The following U2SURP variants were observed in gnomAD, a reference collection of about 807,000 sequenced individuals.
U2SURP encodes the protein U2 snRNP associated SURP domain containing.
In U2SURP, 9 loss-of-function variants were observed where a neutral mutation model predicts 144.9. That is an observed-to-expected ratio of 0.06 (90% CI 0.04 to 0.11). U2SURP has a LOEUF of 0.11. Ranked by LOEUF, U2SURP falls within the 10% of genes least tolerant of loss-of-function variation. The pLI is 1.00. For synonymous variants in U2SURP, 408 were observed against 396.8 expected (o/e 1.03, Z -0.33); for missense variants, 724 against 1,226.7 (o/e 0.59, Z 6.12).
chr3:143,048,091 T>C (rs1934639114), intron 24 of U2SURP, among the ~76,000 whole-genome samples: 2 of 152,236 alleles, frequency 1.3e-5, no homozygotes, highest in Admixed American at 1.3e-4. Context: ...CTTTCTGTCC[T>C]GGTCCCTGAG....
intron 4 of U2SURP, 102 bp downstream of exon 4, chr3:143,014,511 G>GATTAAT: frequency 1.4e-6 from 1 of 703,386 alleles, no homozygotes; most frequent in Non-Finnish European, 2.2e-6. Context: ...TTAACCTCTA[G>GATTAAT]GATATTCTCA....
chr3:143,001,609 A>T lies in U2SURP; in HGVS notation c.-20A>T. ...CTCGCCCGTGCTGCTGCCGCCGCCGAAGGAGGGGCAAAGCTCAAGATGGCG... is the reference window on the plus strand; with the variant it reads ...CTCGCCCGTGCTGCTGCCGCCGCCGTAGGAGGGGCAAAGCTCAAGATGGCG... On this transcript the variant is annotated 5_prime_UTR_variant, in exon 1 of 28. Coordinates refer to ENST00000473835, the MANE Select transcript of U2SURP (RefSeq NM_001080415.2). The T allele has an allele frequency of 6.2e-7, 1 of 1,613,636 alleles. No individual in the cohort carries two copies. The highest frequency in any genetic ancestry group is 8.5e-7 in the Non-Finnish European group (1 of 1,179,790).
At chr3:143,006,570 A>G (rs1252822025) in intron 1 of U2SURP, among the ~76,000 whole-genome samples, 1 of 152,090 alleles carries the variant, frequency 6.6e-6, no homozygotes, top group Non-Finnish European at 1.5e-5. Flanking sequence ...AGCCTGACCA[A>G]TATGGAGAAA....
rs1328286051 is a variant in U2SURP at position 143,022,995 on chromosome 3, T to C, written c.1161T>C (p.Pro387=). Residue 387 remains proline (P), a synonymous_variant, in exon 12 of 28, where the codon CCT becomes CCC. Coordinates refer to ENST00000473835, the MANE Select transcript of U2SURP (RefSeq NM_001080415.2). ...CCGGACTGCCTTTTAATGCGCAGCC[T>C]AGAGAGCGGTTAAAAAACCCTAATG... ...PPSGLPFNAQ[P]RERLKNPNAP... 6.2e-7 allele frequency: 1 copy of C among 1,611,780 alleles called. No homozygotes were observed. Among genetic ancestry groups the C allele is most frequent in the South Asian group, 1.1e-5 (1 of 90,560 alleles).
chr3:143,005,590 G>T (rs186914909), intron 1 of U2SURP, among the ~76,000 whole-genome samples: 1 of 152,132 alleles, frequency 6.6e-6, no homozygotes, highest in Non-Finnish European at 1.5e-5. Context: ...TAACTTTTTC[G>T]AAACTTGAAC....
chr3:143,021,194 A>C (rs575182633), intron 8 of U2SURP, among the ~76,000 whole-genome samples, 156 bp from the exon 9 acceptor site: 8 of 152,178 alleles, frequency 5.3e-5, no homozygotes, highest in African/African-American at 1.7e-4. Flanking sequence ...CTGTCTCAAA[A>C]AACAACAACA....
chr3:143,025,573 G>T (rs562810967), intron 13 of U2SURP, among the ~76,000 whole-genome samples: 2 of 151,926 alleles, frequency 1.3e-5, no homozygotes, highest in African/African-American at 4.8e-5. Context: ...TTACATTATC[G>T]CCCTTCCTTC....
At chr3:143,004,403 G>A (rs1347649622) in intron 1 of U2SURP, among the ~76,000 whole-genome samples, 1 of 117,148 alleles carries the variant, frequency 8.5e-6, no homozygotes, top group South Asian at 3.1e-4. Flanking sequence ...TTGCCTTGTC[G>A]CCCAGGCTGG....
chr3:143,012,289 A>C lies in U2SURP; in HGVS notation c.158A>C (p.His53Pro). Residue 53 changes from histidine (H) to proline (P), a missense_variant, in exon 3 of 28, where the codon CAT (histidine) becomes CCT (proline). Around this residue, in one of 13 missense-constraint regions of U2SURP, gnomAD observed 127 missense variants for 98.2 expected, o/e 1.29. Transcript: ENST00000473835. The stretch of plus-strand genomic sequence containing the variant: ...ACACGACCTAAGAGCCCAAGAAAAC[A>C]TAATTATAGGAATGAAAGTGCCCGT... The part of the protein sequence containing the change: ...SRTRPKSPRK[H>P]NYRNESARES... 1 of 1,613,518 alleles carries C rather than the reference A, an allele frequency of 6.2e-7. No individual in the cohort carries two copies. The highest frequency in any genetic ancestry group is 8.5e-7 in the Non-Finnish European group (1 of 1,179,554).
intron 18 of U2SURP, among the ~76,000 whole-genome samples, chr3:143,034,099 G>A (rs148192227): frequency 6.6e-6 from 1 of 152,132 alleles, no homozygotes; most frequent in Non-Finnish European, 1.5e-5. Context: ...TTACGTTGCT[G>A]TATTATAATT....
chr3:143,039,830 T>G (rs1192397339), intron 23 of U2SURP, among the ~76,000 whole-genome samples: 3 of 151,918 alleles, frequency 2.0e-5, no homozygotes, highest in Admixed American at 6.6e-5. Flanking sequence ...AAACACAGTT[T>G]GATACGATGG....
chr3:143,020,337 A>G (rs1341288281), intron 7 of U2SURP, among the ~76,000 whole-genome samples: 1 of 152,204 alleles, frequency 6.6e-6, no homozygotes, highest in African/African-American at 2.4e-5. Flanking sequence ...TAGACTTAGC[A>G]AGAAACAAAT....
chr3:143,051,745 A>G (rs1367405559), intron 25 of U2SURP, among the ~76,000 whole-genome samples: 1 of 152,154 alleles, frequency 6.6e-6, no homozygotes. Flanking sequence ...TGGTAAAGCA[A>G]CTGTGGTGCT....
At chr3:143,015,610 T>A (rs1578121263) in intron 4 of U2SURP, among the ~76,000 whole-genome samples, 1 of 152,132 alleles carries the variant, frequency 6.6e-6, no homozygotes, top group African/African-American at 2.4e-5. Flanking sequence ...CCTAGTATCA[T>A]TTATTGAAAA....
At position 143,037,166 on chromosome 3, in the gene U2SURP, C is replaced by T. The variant is rs772492215; in HGVS notation, c.2065-13C>T. ...AGCAAAGGAAAATGTTATAATAGTA[C>T]ACATTTCCATAGGATGTTCCAGATG... On this transcript the variant is annotated splice_polypyrimidine_tract_variant and intron_variant, in intron 20 of 27. Transcript: ENST00000473835. 6.2e-7 allele frequency: 1 copy of T among 1,606,938 alleles called. No homozygotes were observed. Among genetic ancestry groups the T allele is most frequent in the Non-Finnish European group, 8.5e-7 (1 of 1,176,404 alleles).
chr3:143,034,678 T>C (rs1471496365), intron 18 of U2SURP: 1 of 452,672 alleles, frequency 2.2e-6, no homozygotes, highest in Non-Finnish European at 4.0e-6. Context: ...GTAGGGACTG[T>C]TGGGGAGTTT....
intron 27 of U2SURP, 62 bp from the exon 28 acceptor site, chr3:143,056,250 G>T (rs929844026): frequency 2.6e-6 from 4 of 1,514,218 alleles, no homozygotes; most frequent in South Asian, 1.2e-5. Context: ...ATCGTTTAAG[G>T]ATAAACAGTT....
intron 16 of U2SURP, among the ~76,000 whole-genome samples, chr3:143,032,167 G>C (rs563626013): frequency 2.6e-5 from 4 of 152,132 alleles, no homozygotes; most frequent in African/African-American, 9.6e-5. Flanking sequence ...CTGCCTCCCA[G>C]GTTCAAGCAA....
At chr3:143,029,958 A>T (rs923159778) in intron 16 of U2SURP, among the ~76,000 whole-genome samples, 1 of 152,208 alleles carries the variant, frequency 6.6e-6, no homozygotes, top group Non-Finnish European at 1.5e-5. Context: ...ACTCTCTTCA[A>T]TTCTGTGGAA....
Sources: gnomAD v4.1 joint callset for allele counts (sites outside exome capture counted in the v4.1 genomes callset) on GRCh38, gnomAD v4.1.1 for gene constraint, gnomAD v4.1.1 regional missense constraint, MANE v1.5 for transcripts, NCBI Gene and HGNC (gene_info 2026-07-23, HGNC 2026-07-21) for gene names.